The following DGKG variants were observed in gnomAD, a reference collection of about 807,000 sequenced individuals.
DGKG encodes DAG kinase gamma.
Under a neutral mutation model 105.3 loss-of-function variants are expected in DGKG, and 78 were observed. The ratio of observed to expected loss-of-function variants is 0.74; its 90% CI spans 0.62 to 0.89. DGKG has a LOEUF of 0.89. DGKG is among the 40% of genes least tolerant of loss of function. The pLI, the probability that DGKG is intolerant of heterozygous loss-of-function variation, is 0.00. For synonymous variants in DGKG, 346 were observed against 367.1 expected (o/e 0.94, Z 0.66); for missense variants, 958 against 1,020.1 (o/e 0.94, Z 0.83).
Position 186,210,767 on chromosome 3 carries a change from C to A in DGKG, c.1917+1028G>T. On this transcript the variant is annotated intron_variant, in intron 21 of 24. Coordinates refer to ENST00000265022, the MANE Select transcript of DGKG (RefSeq NM_001346.3). This position sits in a 1 kb window ranked among gnomAD's most constrained non-coding sequence, Gnocchi z 5.2. ...GGCCAAGCTGGTGGGCCAAGAGGAG[C>A]CCACCCTGGCTGAACTCTCTGGCTG... 1 of 342,174 alleles carries A rather than the reference C, an allele frequency of 2.9e-6. No individual in the cohort carries two copies. Among genetic ancestry groups the A allele is most frequent in the Non-Finnish European group, 5.7e-6 (1 of 173,982 alleles). The allele number at this position is 342,174 out of a possible 1,614,324, so 21.2% of individuals were successfully genotyped here. A position where few individuals can be genotyped will look rare whatever the true frequency, so the allele number is the denominator to read the frequency against.
At chr3:186,356,433 G>A (rs1412014637) in intron 1 of DGKG, among the ~76,000 whole-genome samples, 2 of 152,188 alleles carry the variant, frequency 1.3e-5, no homozygotes, top group East Asian at 1.9e-4. Context: ...GGCAAGTATC[G>A]GGTGAAGGCG....
At chr3:186,265,031 T>G (rs1157752463) in intron 14 of DGKG, among the ~76,000 whole-genome samples, 1 of 152,220 alleles carries the variant, frequency 6.6e-6, no homozygotes. Context: ...AGACCAGCAA[T>G]GGGATCAGTC....
At chr3:186,355,183 C>CGCT (rs1560170431) in intron 1 of DGKG, among the ~76,000 whole-genome samples, 65 of 31,630 alleles carry the variant, frequency 2.1e-3, no homozygotes, top group African/African-American at 6.3e-3. Context: ...CAACTATCAC[C>CGCT]ACCACCATCA....
At chr3:186,170,962 G>A (rs935479296) in intron 22 of DGKG, among the ~76,000 whole-genome samples, 15 of 152,252 alleles carry the variant, frequency 9.9e-5, no homozygotes, top group African/African-American at 3.6e-4. Context: ...GTCTTTCTTT[G>A]GGAACATCTG....
chr3:186,206,031 T>A lies in DGKG; in HGVS notation c.1917+5764A>T, dbSNP rs1181397458. On this transcript the variant is annotated intron_variant, in intron 21 of 24. Transcript: ENST00000265022. ...TCCCCTCCATCAAAGTTTATATTAGTTCATATTAGTGGAGCTGGCTGACCT... is the reference window on the plus strand; with the variant it reads ...TCCCCTCCATCAAAGTTTATATTAGATCATATTAGTGGAGCTGGCTGACCT... Among the ~76,000 whole-genome samples, 6 of 152,340 alleles carry A rather than the reference T, an allele frequency of 3.9e-5. No homozygotes were observed. The East Asian group carries it at 1.2e-3, about 29-fold the overall frequency.
At chr3:186,278,398 AG>A (rs1273676987) in intron 9 of DGKG, among the ~76,000 whole-genome samples, 2 of 152,142 alleles carry the variant, frequency 1.3e-5, no homozygotes, top group Non-Finnish European at 2.9e-5. Flanking sequence ...TTGTACATAA[AG>A]CTTCTTGGCA....
chr3:186,157,423 T>G (rs1027349092), intron 24 of DGKG, among the ~76,000 whole-genome samples: 2 of 152,124 alleles, frequency 1.3e-5, no homozygotes, highest in Non-Finnish European at 2.9e-5. Flanking sequence ...TAGTCTATAG[T>G]CTTCTATTTT....
intron 22 of DGKG, among the ~76,000 whole-genome samples, chr3:186,180,428 G>A (rs1024501634): frequency 1.3e-5 from 2 of 152,170 alleles, no homozygotes; most frequent in African/African-American, 2.4e-5. Flanking sequence ...GAGCTAAGAA[G>A]AGTCCCAGTG....
Position 186,251,934 on chromosome 3 carries a change from A to G in DGKG, c.1601-15T>C. 6.5e-7 allele frequency: 1 copy of G among 1,536,700 alleles called. No individual in the cohort carries two copies. Among genetic ancestry groups the G allele is most frequent in the East Asian group, 2.3e-5 (1 of 43,144 alleles). On this transcript the variant is annotated splice_polypyrimidine_tract_variant and intron_variant, in intron 18 of 24. Transcript: ENST00000265022. The stretch of plus-strand genomic sequence containing the variant: ...CCCTTCATAACCTGTGGAGGACAGC[A>G]CTGCATTTGCCACCACAGCAGAAAG...
At chr3:186,258,689 C>T (rs147928701) in intron 16 of DGKG, among the ~76,000 whole-genome samples, 125 of 152,190 alleles carry the variant, frequency 8.2e-4, no homozygotes, top group Admixed American at 2.6e-3. Context: ...CTCATCACTG[C>T]TTGGAATTTA....
chr3:186,300,480 T>C (rs1723870420), intron 3 of DGKG, among the ~76,000 whole-genome samples: 1 of 152,250 alleles, frequency 6.6e-6, no homozygotes, highest in South Asian at 2.1e-4. Flanking sequence ...CTCTTCTTTT[T>C]AAAACTCTCT....
At chr3:186,198,171 C>T (rs542105179) in intron 21 of DGKG, among the ~76,000 whole-genome samples, 6 of 152,262 alleles carry the variant, frequency 3.9e-5, no homozygotes, top group East Asian at 3.9e-4. Context: ...TTTGAAGAAA[C>T]GTGATAAGGT....
intron 21 of DGKG, chr3:186,207,524 G>T: frequency 1.0e-6 from 1 of 984,726 alleles, no homozygotes; most frequent in Non-Finnish European, 1.2e-6. Flanking sequence ...ACCACTGCCA[G>T]TTACATAAAA....
intron 1 of DGKG, among the ~76,000 whole-genome samples, chr3:186,350,595 AG>A (rs1726582647): frequency 6.6e-6 from 1 of 152,146 alleles, no homozygotes; most frequent in African/African-American, 2.4e-5. Flanking sequence ...AATTTTGGGG[AG>A]TATATACCCA....
Position 186,226,726 on chromosome 3 carries a change from C to A in DGKG, c.1827-14841G>T, listed in dbSNP as rs1235766891. 2.0e-5 allele frequency among the ~76,000 whole-genome samples: 3 copies of A among 152,088 alleles called. No individual in the cohort carries two copies. Among genetic ancestry groups the A allele is most frequent in the Non-Finnish European group, 2.9e-5 (2 of 68,016 alleles). On this transcript the variant is annotated intron_variant, in intron 20 of 24. Coordinates refer to ENST00000265022, the MANE Select transcript of DGKG (RefSeq NM_001346.3). This position sits in a 1 kb window ranked among gnomAD's most constrained non-coding sequence, Gnocchi z 4.2. ...TTGATTGGCAGTTTGGAATGCTCTC[C>A]AAAAAGGCCCACTTTCAGGATTAAA... is the stretch of plus-strand genomic sequence containing the variant.
At position 186,284,677 on chromosome 3, in the gene DGKG, C is replaced by T. The variant is rs547430683; in HGVS notation, c.577G>A (p.Gly193Ser). 9.9e-6 allele frequency: 16 copies of T among 1,613,818 alleles called. No homozygotes were observed. Among genetic ancestry groups the T allele is most frequent in the East Asian group, 4.5e-5 (2 of 44,882 alleles). Residue 193 changes from glycine (G) to serine (S), a missense_variant, in exon 7 of 25, where the codon GGT becomes AGT. Transcript: ENST00000265022. This position sits in a 1 kb window ranked among gnomAD's most constrained non-coding sequence, Gnocchi z 4.0. The stretch of plus-strand genomic sequence containing the variant: ...GAACTTACCGCTTGGTCCAGGAGAC[C>T]GTTCTCATCTGAATCATAGAGGCGA... ...MFRLYDSDEN[G>S]LLDQAEMDCI...
rs181000054 is a variant in DGKG at position 186,305,287 on chromosome 3, A to G, written c.144+1614T>C. Among the ~76,000 whole-genome samples, 339 of 152,348 alleles carry G rather than the reference A, an allele frequency of 2.2e-3. 3 individuals carry two copies. Among genetic ancestry groups the G allele is most frequent in the African/African-American group, 7.2e-3 (301 of 41,586 alleles). ...ATCACTGAGAAGGTGACTTGAGCAT[A>G]GACTGGAAGGTGGTAAGATAATGGA... On this transcript the variant is annotated intron_variant, in intron 3 of 24. Coordinates refer to ENST00000265022, the MANE Select transcript of DGKG (RefSeq NM_001346.3).
chr3:186,210,591 G>C lies in DGKG; in HGVS notation c.1917+1204C>G, dbSNP rs983275208. The C allele has an allele frequency of 4.4e-6, 2 of 454,078 alleles. No individual in the cohort carries two copies. The highest frequency in any genetic ancestry group is 2.0e-5 in the African/African-American group (1 of 50,004). 28.1% of individuals were successfully genotyped at this position (454,078 alleles called of 1,614,324 possible). A position where few individuals can be genotyped will look rare whatever the true frequency, so the allele number is the denominator to read the frequency against. On this transcript the variant is annotated intron_variant, in intron 21 of 24. Coordinates refer to ENST00000265022, the MANE Select transcript of DGKG (RefSeq NM_001346.3). This position sits in a 1 kb window ranked among gnomAD's most constrained non-coding sequence, Gnocchi z 5.2. ...CAAATGCAGCCGCACAGAACCTCTG[G>C]CTTCGTGTTTTGTTTGTGAAAACTC...
At chr3:186,297,143 A>C (rs1198189129) in intron 5 of DGKG, among the ~76,000 whole-genome samples, 1 of 151,226 alleles carries the variant, frequency 6.6e-6, no homozygotes, top group African/African-American at 2.4e-5. Context: ...CTGGGCAGGC[A>C]GACATATCAG....
Sources: allele counts gnomAD v4.1 joint callset (sites outside exome capture counted in the v4.1 genomes callset), GRCh38; gene constraint gnomAD v4.1.1; non-coding constraint Gnocchi (gnomAD v3.1); transcripts MANE v1.5; gene names NCBI Gene and HGNC (gene_info 2026-07-23, HGNC 2026-07-21).